Variants in CFHR2 observed in about 807,000 individuals in gnomAD.
CFHR2 encodes complement factor H-related protein 2.
In CFHR2, 22 loss-of-function variants were observed where a neutral mutation model predicts 21.7. The observed-to-expected ratio is 1.01, with a 90% CI of 0.72 to 1.45. The LOEUF is 1.45. CFHR2 is among the 40% of genes most tolerant of loss of function. The pLI is 0.00. For synonymous variants in CFHR2, 98 were observed against 97.4 expected, an observed-to-expected ratio of 1.01 and a Z score of -0.04; for missense variants, 294 against 293.3, an observed-to-expected ratio of 1.00 and a Z score of -0.02.
In CFHR2 at chr1:196,947,890, A is replaced by G. The variant is rs567876221; in HGVS notation, c.59-1565A>G. The stretch of plus-strand genomic sequence containing the variant: ...GTGATAATTATATTGACGGTGAGGG[A>G]GGTTATGCATGTGGTAGGGAAGAGG... On this transcript the variant is annotated intron_variant, in intron 1 of 4. Coordinates refer to ENST00000367415, the MANE Select transcript of CFHR2 (RefSeq NM_005666.4). 2.6e-4 allele frequency among the ~76,000 whole-genome samples: 40 copies of G among 152,240 alleles called. No homozygotes were observed. The South Asian group carries it at 5.4e-3, about 21-fold the overall frequency.
At chr1:196,956,123 G>A (rs1163924502) in intron 3 of CFHR2, among the ~76,000 whole-genome samples, 2 of 152,146 alleles carry the variant, frequency 1.3e-5, no homozygotes, top group East Asian at 1.9e-4. Context: ...AATATCTGGG[G>A]ATTACAATTC....
At chr1:196,952,795 T>C (rs1033469026) in intron 3 of CFHR2, among the ~76,000 whole-genome samples, 3 of 152,230 alleles carry the variant, frequency 2.0e-5, no homozygotes, top group Non-Finnish European at 2.9e-5. Flanking sequence ...AGAAACTAAG[T>C]TGCCAAAATA....
At chr1:196,950,298 T>A (rs1220212665) in intron 2 of CFHR2, among the ~76,000 whole-genome samples, 1 of 152,198 alleles carries the variant, frequency 6.6e-6, no homozygotes, top group Non-Finnish European at 1.5e-5. Flanking sequence ...AATATTTTAT[T>A]ATAAAAAACA....
intron 1 of CFHR2, among the ~76,000 whole-genome samples, chr1:196,946,696 G>A (rs192596883): frequency 3.9e-5 from 6 of 152,300 alleles, no homozygotes; most frequent in Non-Finnish European, 7.3e-5. Context: ...AACAGGCATG[G>A]AGCTGTCCTC....
At chr1:196,949,775 G>T (rs116822481) in intron 2 of CFHR2, 126 bp downstream of exon 2, 10 of 1,206,672 alleles carry the variant, frequency 8.3e-6, no homozygotes, top group Non-Finnish European at 1.2e-5. Context: ...GATGGGAGAT[G>T]TAGTCCTTCT....
chr1:196,951,563 C>T (rs1047859880), intron 3 of CFHR2, among the ~76,000 whole-genome samples: 1 of 152,068 alleles, frequency 6.6e-6, no homozygotes, highest in Non-Finnish European at 1.5e-5. Context: ...ATGATGGCAC[C>T]TCCCAGTCCT....
At chr1:196,944,584 G>A (rs1659405839) in intron 1 of CFHR2, among the ~76,000 whole-genome samples, 1 of 151,850 alleles carries the variant, frequency 6.6e-6, no homozygotes, top group African/African-American at 2.4e-5. Context: ...TTTATTTCAT[G>A]TTGAAATTAA....
At chr1:196,944,384 C>A (rs1254485509) in intron 1 of CFHR2, among the ~76,000 whole-genome samples, 1 of 151,908 alleles carries the variant, frequency 6.6e-6, no homozygotes, top group Non-Finnish European at 1.5e-5. Context: ...ATTCCCATTT[C>A]AATCGAATTA....
chr1:196,957,354 T>C (rs1185748080), intron 3 of CFHR2, among the ~76,000 whole-genome samples: 1 of 151,202 alleles, frequency 6.6e-6, no homozygotes, highest in Non-Finnish European at 1.5e-5. Context: ...CCTTTTTTTT[T>C]TTTTTTACTT....
chr1:196,953,521 G>A (rs545990555), intron 3 of CFHR2, among the ~76,000 whole-genome samples: 3 of 152,182 alleles, frequency 2.0e-5, no homozygotes, highest in Non-Finnish European at 2.9e-5. Flanking sequence ...AACCTCAGGC[G>A]ATCCACCAAC....
chr1:196,952,340 A>G (rs112512612), intron 3 of CFHR2, among the ~76,000 whole-genome samples: 6 of 152,334 alleles, frequency 3.9e-5, no homozygotes, highest in African/African-American at 1.4e-4. Context: ...ACAGTTTTTC[A>G]GTAAACAGTT....
intron 3 of CFHR2, among the ~76,000 whole-genome samples, chr1:196,954,290 G>A (rs1237539439): frequency 5.3e-5 from 8 of 152,208 alleles, no homozygotes; most frequent in African/African-American, 1.9e-4. Flanking sequence ...TTGACTCCTC[G>A]TCTCACATCC....
At chr1:196,954,097 T>C (rs914772444) in intron 3 of CFHR2, among the ~76,000 whole-genome samples, 1 of 152,222 alleles carries the variant, frequency 6.6e-6, no homozygotes, top group Non-Finnish European at 1.5e-5. Flanking sequence ...ATGGGTTTTT[T>C]AAAAAGTCTT....
intron 3 of CFHR2, among the ~76,000 whole-genome samples, chr1:196,954,581 A>G (rs968585608): frequency 2.6e-5 from 4 of 152,114 alleles, no homozygotes; most frequent in Non-Finnish European, 5.9e-5. Context: ...GAGGTTCTCC[A>G]TGAACCTGCA....
chr1:196,944,834 A>G, intron 1 of CFHR2, among the ~76,000 whole-genome samples: 1 of 150,902 alleles, frequency 6.6e-6, no homozygotes, highest in Non-Finnish European at 1.5e-5. Context: ...TCCTTTAAAT[A>G]TTTGCCCTTA....
At chr1:196,950,300 T>TA (rs1366313738) in intron 2 of CFHR2, among the ~76,000 whole-genome samples, 1 of 152,164 alleles carries the variant, frequency 6.6e-6, no homozygotes, top group East Asian at 1.9e-4. Context: ...TATTTTATTA[T>TA]AAAAAACATA....
At chr1:196,954,273 G>T (rs1013168440) in intron 3 of CFHR2, among the ~76,000 whole-genome samples, 8 of 152,202 alleles carry the variant, frequency 5.3e-5, no homozygotes, top group Non-Finnish European at 7.3e-5. Context: ...TCCATAAAAG[G>T]TCTCATTTGA....
At chr1:196,955,372 T>C (rs1652827677) in intron 3 of CFHR2, among the ~76,000 whole-genome samples, 1 of 152,160 alleles carries the variant, frequency 6.6e-6, no homozygotes, top group South Asian at 2.1e-4. Flanking sequence ...TTCCAAACTT[T>C]CCCTCATCTT....
intron 3 of CFHR2, among the ~76,000 whole-genome samples, chr1:196,953,375 A>C (rs575245055): frequency 6.6e-5 from 10 of 152,170 alleles, no homozygotes; most frequent in Non-Finnish European, 1.5e-4. Flanking sequence ...TTCTACCTTC[A>C]AAGTTCAAGC....
Sources: gnomAD v4.1 joint callset for allele counts (sites outside exome capture counted in the v4.1 genomes callset) on GRCh38, gnomAD v4.1.1 for gene constraint, MANE v1.5 for transcripts, NCBI Gene and HGNC (gene_info 2026-07-23, HGNC 2026-07-21) for gene names.